Variants in CALCOCO2 observed in about 807,000 individuals in gnomAD.
The protein encoded by CALCOCO2 is calcium-binding and coiled-coil domain-containing protein 2.
CALCOCO2 carries 42 observed loss-of-function variants against 62.5 expected under a neutral mutation model. The observed-to-expected ratio is 0.67, with a 90% CI of 0.53 to 0.87. The LOEUF is 0.87. Among genes scored for constraint, CALCOCO2 ranks in the 40% least tolerant of loss-of-function variants. CALCOCO2 has a pLI of 0.00. For missense variants in CALCOCO2, 456 were observed against 515.0 expected, an observed-to-expected ratio of 0.89 and a Z score of 1.11; for synonymous variants, 167 against 173.0, an observed-to-expected ratio of 0.97 and a Z score of 0.27.
chr17:48,844,784 C>G (rs1257389206), intron 2 of CALCOCO2, among the ~76,000 whole-genome samples: 1 of 152,188 alleles, frequency 6.6e-6, no homozygotes, highest in African/African-American at 2.4e-5. Context: ...TCCCAAAGTG[C>G]TGGGATTACA....
chr17:48,860,482 C>T (rs1223952108), intron 11 of CALCOCO2, 33 bp downstream of exon 11: 6 of 1,604,912 alleles, frequency 3.7e-6, no homozygotes, highest in Non-Finnish European at 5.1e-6. Flanking sequence ...ACTGGAAGGA[C>T]CCTGCCTGCA....
At chr17:48,858,057 AATAGAATAGAATAG>A (rs2040266448) in intron 10 of CALCOCO2, among the ~76,000 whole-genome samples, 1 of 139,504 alleles carries the variant, frequency 7.2e-6, no homozygotes, top group Admixed American at 7.4e-5. Context: ...AATAGAATAG[AATAGAATAGAATAG>A]AATTTTACCA....
At chr17:48,848,674 A>G in intron 4 of CALCOCO2, 2 of 610,316 alleles carry the variant, frequency 3.3e-6, no homozygotes, top group South Asian at 1.8e-5. Context: ...TCTTTAACTC[A>G]GCTGGCATTC....
At chr17:48,841,532 T>C (rs189067183) in intron 1 of CALCOCO2, 166 bp from the exon 2 acceptor site, 15 of 486,056 alleles carry the variant, frequency 3.1e-5, no homozygotes, top group Non-Finnish European at 5.1e-5. Context: ...GTGACTGAGA[T>C]GGCTCGAAGT....
At chr17:48,833,945 A>G (rs2039853622) in intron 1 of CALCOCO2, among the ~76,000 whole-genome samples, 1 of 152,030 alleles carries the variant, frequency 6.6e-6, no homozygotes, top group Non-Finnish European at 1.5e-5. Context: ...CCTGGGCAAC[A>G]TGGTGAAACC....
chr17:48,856,279 G>C (rs748010619), intron 10 of CALCOCO2, 92 bp downstream of exon 10: 60 of 668,852 alleles, frequency 9.0e-5, no homozygotes, highest in Non-Finnish European at 1.4e-4. Context: ...AAAAAGTTAA[G>C]GGCCCTTTCT....
Position 48,849,328 on chromosome 17 carries a change from G to A in CALCOCO2, c.494G>A (p.Ser165Asn). The A allele has an allele frequency of 1.2e-6, 2 of 1,613,722 alleles. No homozygotes were observed. The highest frequency in any genetic ancestry group is 2.2e-5 in the East Asian group (1 of 44,882). Residue 165 changes from serine (S) to asparagine (N), a missense_variant, in exon 5 of 13, where the codon AGC becomes AAC. Coordinates refer to ENST00000258947, the MANE Select transcript of CALCOCO2 (RefSeq NM_005831.5). The part of the protein sequence containing the change: ...ENQELKDSCI[S>N]LQKQNSDMQA... Reference sequence around the variant, plus strand: ...CAGGAGCTGAAGGACAGCTGTATCAGCCTCCAGAAGCAGAACTCAGACATG... The same window carrying A: ...CAGGAGCTGAAGGACAGCTGTATCAACCTCCAGAAGCAGAACTCAGACATG...
At chr17:48,849,469 T>A in intron 5 of CALCOCO2, 92 bp downstream of exon 5, 1 of 1,080,320 alleles carries the variant, frequency 9.3e-7, no homozygotes, top group South Asian at 1.4e-5. Context: ...TTGCCTGTGA[T>A]CTCACCTTCT....
chr17:48,858,839 G>A (rs1027709628), intron 10 of CALCOCO2, among the ~76,000 whole-genome samples: 14 of 151,586 alleles, frequency 9.2e-5, no homozygotes, highest in African/African-American at 3.4e-4. Flanking sequence ...TGGATCACGA[G>A]GTCAGGAGTT....
Position 48,858,046 on chromosome 17 carries a change from A to ATAGAATAGAATAGAATAGAATAGAG in CALCOCO2, c.1008+1859_1008+1860insTAGAATAGAATAGAATAGAATAGAG. ...ATAGAATAGAATAGAATAGAATAGAAAATAGAATAGAATAGAATAGAATAG... is the reference window on the plus strand; with the variant it reads ...ATAGAATAGAATAGAATAGAATAGAATAGAATAGAATAGAATAGAATAGAGAATAGAATAGAATAGAATAGAATAG... On this transcript the variant is annotated intron_variant, in intron 10 of 12. Coordinates refer to ENST00000258947, the MANE Select transcript of CALCOCO2 (RefSeq NM_005831.5). Among the ~76,000 whole-genome samples, 32 of 40,042 alleles carry ATAGAATAGAATAGAATAGAATAGAG rather than the reference A, an allele frequency of 8.0e-4. 3 individuals carry two copies. Among genetic ancestry groups the ATAGAATAGAATAGAATAGAATAGAG allele is most frequent in the Admixed American group, 1.9e-3 (6 of 3,106 alleles). The allele number at this position is 40,042 out of a possible 152,430, so 26.3% of individuals were successfully genotyped here.
intron 10 of CALCOCO2, chr17:48,856,597 G>C (rs760348295): frequency 1.8e-5 from 8 of 456,420 alleles, no homozygotes; most frequent in South Asian, 1.1e-4. Context: ...GTGGTGGTCT[G>C]TACCAGTGCT....
chr17:48,855,094 G>C (rs2040194713), intron 9 of CALCOCO2, among the ~76,000 whole-genome samples: 1 of 152,166 alleles, frequency 6.6e-6, no homozygotes, highest in South Asian at 2.1e-4. Flanking sequence ...TTGTTAAGGT[G>C]AGAAAGTTAT....
chr17:48,834,653 T>C (rs1486346055), intron 1 of CALCOCO2, among the ~76,000 whole-genome samples: 1 of 152,262 alleles, frequency 6.6e-6, no homozygotes, highest in Non-Finnish European at 1.5e-5. Flanking sequence ...TCTTCTCTTT[T>C]CTTTACCTCT....
At chr17:48,850,974 G>T in intron 5 of CALCOCO2, 115 bp from the exon 6 acceptor site, 1 of 640,642 alleles carries the variant, frequency 1.6e-6, no homozygotes, top group Non-Finnish European at 2.8e-6. Context: ...TTACTGCTGT[G>T]TCATGCTATG....
chr17:48,834,819 G>A (rs745944534), intron 1 of CALCOCO2, among the ~76,000 whole-genome samples: 3 of 151,336 alleles, frequency 2.0e-5, no homozygotes, highest in Non-Finnish European at 4.4e-5. Flanking sequence ...AGGCCAATGC[G>A]GGAGGATTGC....
Position 48,854,394 on chromosome 17 carries a change from A to AT in CALCOCO2, c.912+1383dup, listed in dbSNP as rs2040178876. On this transcript the variant is annotated intron_variant, in intron 9 of 12. Transcript: ENST00000258947. ...GGTTTTCTTTTATTTATATATATAT[A>AT]TATTTTTTTTTTTTTTTTTTTTTTT... 7.1e-4 allele frequency among the ~76,000 whole-genome samples: 2 copies of AT among 2,828 alleles called. 1 individual carries two copies. Among genetic ancestry groups the AT allele is most frequent in the Non-Finnish European group, 3.5e-3 (2 of 570 alleles). 1.9% of individuals were successfully genotyped at this position (2,828 alleles called of 152,430 possible).
chr17:48,831,531 G>C (rs964204645), intron 1 of CALCOCO2: 1 of 152,230 alleles, frequency 6.6e-6, no homozygotes, highest in African/African-American at 2.4e-5. Context: ...TTCTTTTTGG[G>C]CCTCAGTGTC....
chr17:48,848,007 T>G (rs753217492), intron 2 of CALCOCO2, 57 bp from the exon 3 acceptor site: 2 of 945,964 alleles, frequency 2.1e-6, no homozygotes, highest in Non-Finnish European at 3.4e-6. Flanking sequence ...TGTAGCCCAA[T>G]TAGGATTTTC....
At chr17:48,846,991 G>A (rs1023330561) in intron 2 of CALCOCO2, among the ~76,000 whole-genome samples, 1 of 151,998 alleles carries the variant, frequency 6.6e-6, no homozygotes, top group Non-Finnish European at 1.5e-5. Context: ...TTTCCACTTA[G>A]CCAGCTTTCT....
Sources: allele counts gnomAD v4.1 joint callset (sites outside exome capture counted in the v4.1 genomes callset), GRCh38; gene constraint gnomAD v4.1.1; transcripts MANE v1.5; gene names NCBI Gene and HGNC (gene_info 2026-07-23, HGNC 2026-07-21).